Variants in SLC5A5 observed in about 807,000 individuals in gnomAD.
The protein encoded by SLC5A5 is solute carrier family 5 member 5.
Under a neutral mutation model 68.6 loss-of-function variants are expected in SLC5A5, and 56 were observed. That is an observed-to-expected ratio of 0.82 (90% CI 0.66 to 1.02). The LOEUF (loss-of-function observed/expected upper bound fraction) is 1.02. SLC5A5 is among the 50% of genes least tolerant of loss of function. SLC5A5 has a pLI of 0.00. For missense variants in SLC5A5, 807 were observed against 859.8 expected, an observed-to-expected ratio of 0.94 and a Z score of 0.77; for synonymous variants, 398 against 373.0, an observed-to-expected ratio of 1.07 and a Z score of -0.77.
chr19:17,889,889 A>G (rs2030098376), intron 13 of SLC5A5, among the ~76,000 whole-genome samples: 1 of 152,180 alleles, frequency 6.6e-6, no homozygotes. Flanking sequence ...AAGGAGACAA[A>G]GAGGGGAAAG....
Position 17,894,025 on chromosome 19 carries a change from G to A in SLC5A5, c.*148G>A. Reference sequence around the variant, plus strand: ...GGACTACAATACCCTACCCTATGGGGAGGCCCTGCCTCCGGGAGGTCATTT... The same window carrying A: ...GGACTACAATACCCTACCCTATGGGAAGGCCCTGCCTCCGGGAGGTCATTT... On this transcript the variant is annotated 3_prime_UTR_variant, in exon 15 of 15. Transcript: ENST00000222248. 1 of 790,246 alleles carries A rather than the reference G, an allele frequency of 1.3e-6. No homozygotes were observed. 49.0% of individuals were successfully genotyped at this position (790,246 alleles called of 1,614,324 possible).
chr19:17,883,314 G>GC (rs1333146054), intron 10 of SLC5A5, among the ~76,000 whole-genome samples: 1 of 104,110 alleles, frequency 9.6e-6, no homozygotes, highest in Admixed American at 8.7e-5. Context: ...GAATTGGGAA[G>GC]GGGGAGGTGG....
intron 5 of SLC5A5, among the ~76,000 whole-genome samples, chr19:17,876,739 G>A (rs920035049): frequency 6.6e-6 from 1 of 152,104 alleles, no homozygotes; most frequent in Non-Finnish European, 1.5e-5. Flanking sequence ...GCAGGCGCCT[G>A]TAATCCCAGC....
intron 1 of SLC5A5, among the ~76,000 whole-genome samples, chr19:17,873,369 G>C (rs1339644376): frequency 6.6e-6 from 1 of 151,956 alleles, no homozygotes; most frequent in Non-Finnish European, 1.5e-5. Flanking sequence ...GCTAAGACAG[G>C]AGAATTGCTT....
chr19:17,879,000 A>C (rs1046872536), intron 7 of SLC5A5, among the ~76,000 whole-genome samples: 1 of 150,468 alleles, frequency 6.6e-6, no homozygotes, highest in East Asian at 2.0e-4. Flanking sequence ...AAAAAAAAAA[A>C]ACCAAAACAA....
intron 4 of SLC5A5, among the ~76,000 whole-genome samples, chr19:17,875,013 G>A (rs1459649802): frequency 6.6e-6 from 1 of 152,146 alleles, no homozygotes; most frequent in Non-Finnish European, 1.5e-5. Flanking sequence ...AGGTCCCAGG[G>A]AGGGCTACCT....
rs554700228 is a variant in SLC5A5 at position 17,888,251 on chromosome 19, A to C, written c.1527-80A>C. ...GCCATGGCAGTTGGGGGAAGGAAGC[A>C]GGGGGTGAGGTTGGAACAGCTTTTG... On this transcript the variant is annotated intron_variant, in intron 12 of 14. Coordinates refer to ENST00000222248, the MANE Select transcript of SLC5A5 (RefSeq NM_000453.3). 9.6e-6 allele frequency: 15 copies of C among 1,557,746 alleles called. No homozygotes were observed. In the African/African-American group the frequency reaches 1.1e-4, roughly 11 times the overall value.
At chr19:17,874,030 C>A in intron 1 of SLC5A5, 108 bp from the exon 2 acceptor site, 2 of 771,176 alleles carry the variant, frequency 2.6e-6, no homozygotes, top group Non-Finnish European at 4.6e-6. Flanking sequence ...CTGGCGGGCG[C>A]GGTTGGCTTC....
rs1180497728 is a variant in SLC5A5, at chr19:17,879,274, CAA to C, written c.969+1182_969+1183del. 2.0e-5 allele frequency among the ~76,000 whole-genome samples: 3 copies of C among 152,074 alleles called. No homozygotes were observed. The East Asian group carries it at 5.8e-4, about 29-fold the overall frequency. On this transcript the variant is annotated intron_variant, in intron 7 of 14. Coordinates refer to ENST00000222248, the MANE Select transcript of SLC5A5 (RefSeq NM_000453.3). ...CGCCATTGCACTCCAGCCTGGGCAA[CAA>C]GAGAGAAACTCCGTCTCAAACAAAA...
intron 14 of SLC5A5, 144 bp from the exon 15 acceptor site, chr19:17,893,569 G>A (rs1306375949): frequency 2.2e-5 from 17 of 785,990 alleles, no homozygotes; most frequent in Middle Eastern, 3.6e-4. Context: ...GGACTGGCCC[G>A]TGCACTGAGC....
intron 4 of SLC5A5, among the ~76,000 whole-genome samples, chr19:17,875,658 G>A (rs1389183921): frequency 6.8e-6 from 1 of 147,714 alleles, no homozygotes; most frequent in Non-Finnish European, 1.5e-5. Flanking sequence ...ACCTGCTGTA[G>A]CTCCAGCTAC....
chr19:17,883,729 T>C lies in SLC5A5; in HGVS notation c.1291T>C (p.Phe431Leu). 2 of 1,612,846 alleles carry C rather than the reference T, an allele frequency of 1.2e-6. No homozygotes were observed. Among genetic ancestry groups the C allele is most frequent in the South Asian group, 1.1e-5 (1 of 91,062 alleles). The change falls in exon 11 of 15, where the codon TTC (phenylalanine) becomes CTC (leucine). Residue 431 changes from phenylalanine to leucine, a missense_variant. Phe to Leu is a conservative substitution (Grantham distance 22, BLOSUM62 0). Coordinates refer to ENST00000222248, the MANE Select transcript of SLC5A5 (RefSeq NM_000453.3). ...CATCAGCGGCCCCCTGCTGGGAGCC[T>C]TCATCTTGGGAATGTTCCTGCCGGC... ...GVISGPLLGA[F>L]ILGMFLPACN...
intron 10 of SLC5A5, 64 bp downstream of exon 10, chr19:17,882,283 C>G: frequency 7.5e-7 from 1 of 1,328,908 alleles, no homozygotes; most frequent in East Asian, 2.3e-5. Context: ...CCCTCTTTCC[C>G]ATTAAACTGA....
At chr19:17,881,052 G>C (rs752928867) in intron 8 of SLC5A5, 99 bp downstream of exon 8, 2 of 888,950 alleles carry the variant, frequency 2.2e-6, no homozygotes, top group Non-Finnish European at 3.8e-6. Context: ...TTCTGGACCT[G>C]TCCATCAGTC....
chr19:17,883,341 C>A (rs984357757), intron 10 of SLC5A5, among the ~76,000 whole-genome samples: 1 of 151,724 alleles, frequency 6.6e-6, no homozygotes, highest in South Asian at 2.1e-4. Context: ...AAAGGGCCTC[C>A]CTATGGAGGT....
chr19:17,883,832 C>T lies in SLC5A5; in HGVS notation c.1330-18C>T, dbSNP rs369522814. ...CGGACAGGCCCCTCCCCTTCCCTGA[C>T]GCCGGCTCTGCCCCCAGGGCGTCCT... On this transcript the variant is annotated intron_variant, in intron 11 of 14. Coordinates refer to ENST00000222248, the MANE Select transcript of SLC5A5 (RefSeq NM_000453.3). 3 of 1,603,828 alleles carry T rather than the reference C, an allele frequency of 1.9e-6. No homozygotes were observed. Among genetic ancestry groups the T allele is most frequent in the Non-Finnish European group, 1.7e-6 (2 of 1,176,092 alleles).
Position 17,872,220 on chromosome 19 carries a change from C to CG in SLC5A5, c.-100_-99insG. The CG allele has an allele frequency of 2.4e-6, 1 of 413,622 alleles. No homozygotes were observed. Among genetic ancestry groups the CG allele is most frequent in the South Asian group, 1.8e-5 (1 of 54,598 alleles). The allele number at this position is 413,622 out of a possible 1,614,324, so 25.6% of individuals were successfully genotyped here. Reference sequence around the variant, plus strand: ...CGGGGACAGGCTGCCGAGCATCCTCCCACCCGCCCTCCCCGTCCTGCCTCC... The same window carrying CG: ...CGGGGACAGGCTGCCGAGCATCCTCCGCACCCGCCCTCCCCGTCCTGCCTCC... On this transcript the variant is annotated 5_prime_UTR_variant, in exon 1 of 15. Transcript: ENST00000222248.
chr19:17,894,129 G>GT lies in SLC5A5; in HGVS notation c.*257dup, dbSNP rs1355693879. The GT allele has an allele frequency of 3.0e-5, 14 of 463,306 alleles. No individual in the cohort carries two copies. The South Asian group carries it at 3.8e-4, about 12-fold the overall frequency. The allele number at this position is 463,306 out of a possible 1,614,324, so 28.7% of individuals were successfully genotyped here. ...GACGGCTCCCCCCAAATAAGGCTGG[G>GT]TTTTTCTCTCTCTCTTTTTTTTTTT... On this transcript the variant is annotated 3_prime_UTR_variant, in exon 15 of 15. Transcript: ENST00000222248.
At chr19:17,888,864 G>T (rs749966701) in intron 13 of SLC5A5, among the ~76,000 whole-genome samples, 2 of 150,880 alleles carry the variant, frequency 1.3e-5, no homozygotes, top group Non-Finnish European at 2.9e-5. Flanking sequence ...CAAGTGATCC[G>T]CCCACCTCGG....
Sources: allele counts gnomAD v4.1 joint callset (sites outside exome capture counted in the v4.1 genomes callset), GRCh38; gene constraint gnomAD v4.1.1; transcripts MANE v1.5; gene names NCBI Gene and HGNC (gene_info 2026-07-23, HGNC 2026-07-21).